The following C1orf167 variants were observed in gnomAD, a reference collection of about 807,000 sequenced individuals.
C1orf167 encodes the protein chromosome 1 open reading frame 167.
A neutral mutation model predicts 176.5 loss-of-function variants in C1orf167; 153 were observed. The observed-to-expected ratio is 0.87, with a 90% CI of 0.76 to 0.99. C1orf167 has a LOEUF of 0.99. Among genes scored for constraint, C1orf167 ranks in the 50% least tolerant of loss-of-function variants. The pLI, the probability that C1orf167 is intolerant of heterozygous loss-of-function variation, is 0.00. For missense variants in C1orf167, 1,490 were observed against 1,817.7 expected, an observed-to-expected ratio of 0.82 and a Z score of 3.28; for synonymous variants, 594 against 752.7, an observed-to-expected ratio of 0.79 and a Z score of 3.45.
intron 12 of C1orf167, chr1:11,779,564 A>G: frequency 3.3e-6 from 1 of 305,730 alleles, no homozygotes; most frequent in Admixed American, 4.0e-5. Context: ...GTGGTTGAGC[A>G]CAGGACTTGG....
rs999736284 is a variant in C1orf167, at chr1:11,762,760, C to T, written c.-71+455C>T. On this transcript the variant is annotated intron_variant, in intron 1 of 20. Transcript: ENST00000688073. Reference sequence around the variant, plus strand: ...CATTTATTCAATGTGCATTTACAAGCCCCTGCTGGGGGTCAGGCATTGTTC... The same window carrying T: ...CATTTATTCAATGTGCATTTACAAGTCCCTGCTGGGGGTCAGGCATTGTTC... 1.4e-4 allele frequency among the ~76,000 whole-genome samples: 21 copies of T among 152,342 alleles called. 1 individual carries two copies. Among genetic ancestry groups the T allele is most frequent in the African/African-American group, 4.6e-4 (19 of 41,582 alleles).
chr1:11,766,601 CCGG>C lies in C1orf167; in HGVS notation c.823_825del (p.Gly275del). 7.8e-7 allele frequency: 1 copy of C among 1,274,832 alleles called. No homozygotes were observed. The highest frequency in any genetic ancestry group is 1.0e-6 in the Non-Finnish European group (1 of 981,114). 79.0% of individuals were successfully genotyped at this position (1,274,832 alleles called of 1,614,324 possible). A position where few individuals can be genotyped will look rare whatever the true frequency, so the allele number is the denominator to read the frequency against. Reference sequence around the variant, plus strand: ...GGTGCTGTGCAGCAGGACCTCTGGACCGGCGGCGGCCAGCCATTCTCCGCCCAC... The same window carrying C: ...GGTGCTGTGCAGCAGGACCTCTGGACCGGCGGCCAGCCATTCTCCGCCCAC... On this transcript the variant is annotated inframe_deletion, in exon 3 of 21. Transcript: ENST00000688073. The surrounding 1 kb of genome is among the most constrained non-coding windows in gnomAD (Gnocchi z 4.5).
At position 11,785,080 on chromosome 1, in the gene C1orf167, TG is replaced by T. The variant is rs149530892; in HGVS notation, c.3426-61del. ...CGGAAGGCCCCCTCCCGCAGGGCAC[TG>T]GGGGGGCTCCCTGCAGAGAGTCCTG... is the stretch of plus-strand genomic sequence containing the variant. On this transcript the variant is annotated intron_variant, in intron 15 of 20. Coordinates refer to ENST00000688073, the MANE Select transcript of C1orf167 (RefSeq NM_001010881.2). The T allele has an allele frequency of 6.2e-3, 7,382 of 1,185,266 alleles. 303 individuals are homozygous for T. The African/African-American group carries it at 0.097, about 16-fold the overall frequency. 73.4% of individuals were successfully genotyped at this position (1,185,266 alleles called of 1,614,324 possible).
intron 17 of C1orf167, 188 bp from the exon 18 acceptor site, chr1:11,787,683 CCT>C (rs35562212): frequency 0.035 from 33,310 of 948,358 alleles, 641 homozygotes; most frequent in Middle Eastern, 0.044. Context: ...CTGCCCCGCC[CCT>C]GTGATTTCTC....
In C1orf167 at chr1:11,785,383, G is replaced by A. The variant is rs2100418833; in HGVS notation, c.3567+94G>A. The stretch of plus-strand genomic sequence containing the variant: ...GGACGCCCCAGCCCCTTGGAAACAG[G>A]TGAAGGGAGCCTAGGCAGGGCGGGA... On this transcript the variant is annotated intron_variant, in intron 16 of 20. Coordinates refer to ENST00000688073, the MANE Select transcript of C1orf167 (RefSeq NM_001010881.2). The A allele has an allele frequency of 2.6e-6, 3 of 1,161,362 alleles. No homozygotes were observed. The South Asian group carries it at 4.7e-5, about 18-fold the overall frequency. The allele number at this position is 1,161,362 out of a possible 1,614,324, so 71.9% of individuals were successfully genotyped here.
At chr1:11,780,260 T>A (rs1311232148) in intron 13 of C1orf167, among the ~76,000 whole-genome samples, 1 of 152,174 alleles carries the variant, frequency 6.6e-6, no homozygotes, top group Non-Finnish European at 1.5e-5. Context: ...ATCAGAGAGG[T>A]CCGCTGAGCT....
intron 6 of C1orf167, among the ~76,000 whole-genome samples, chr1:11,771,219 A>G (rs1233675101): frequency 3.3e-5 from 5 of 150,634 alleles, no homozygotes; most frequent in Admixed American, 2.7e-4. Flanking sequence ...ATGCCTGGCC[A>G]TGTTCTTATT....
intron 6 of C1orf167, among the ~76,000 whole-genome samples, chr1:11,770,524 AC>A (rs1223922294): frequency 6.7e-6 from 1 of 149,592 alleles, no homozygotes; most frequent in Non-Finnish European, 1.5e-5. Context: ...GCTCACTGCA[AC>A]CTCCGCCTCC....
chr1:11,781,559 C>T (rs1028453663), intron 13 of C1orf167, among the ~76,000 whole-genome samples: 13 of 152,134 alleles, frequency 8.5e-5, no homozygotes, highest in African/African-American at 2.2e-4. Context: ...AATCATTCCC[C>T]GGCAGGAACA....
In C1orf167 at chr1:11,769,203, C is replaced by T. The variant is rs578071820; in HGVS notation, c.1697+76C>T. On this transcript the variant is annotated intron_variant, in intron 6 of 20. Transcript: ENST00000688073. The stretch of plus-strand genomic sequence containing the variant: ...GCCTTGCCCCCACTACTTCCTCATC[C>T]CCACAAAAGAATGGGAATGAAATAA... 9.5e-6 allele frequency: 9 copies of T among 945,260 alleles called. No individual in the cohort carries two copies. In the South Asian group the frequency reaches 3.9e-4, roughly 41 times the overall value. The allele number at this position is 945,260 out of a possible 1,614,324, so 58.6% of individuals were successfully genotyped here. A position where few individuals can be genotyped will look rare whatever the true frequency, so the allele number is the denominator to read the frequency against.
In C1orf167 at chr1:11,778,989, C is replaced by T. The variant is rs985327390; in HGVS notation, c.2560C>T (p.Arg854Trp). 2.9e-5 allele frequency: 38 copies of T among 1,303,312 alleles called. No homozygotes were observed. Among genetic ancestry groups the T allele is most frequent in the Middle Eastern group, 4.3e-4 (2 of 4,666 alleles). The allele number at this position is 1,303,312 out of a possible 1,614,324, so 80.7% of individuals were successfully genotyped here. The stretch of plus-strand genomic sequence containing the variant: ...GAGCCTTCTGTGGGCAGCTGGGCAG[C>T]GGCAGCAGGGGCAGTGCCTTCTGCT... Reference protein sequence around the residue: ...QGSLLWAAGQRQQGQCLLLWQ... With the variant: ...QGSLLWAAGQWQQGQCLLLWQ... Residue 854 changes from arginine to tryptophan, a missense_variant, in exon 12 of 21, where the codon CGG becomes TGG. By Grantham distance (101) the Arg-to-Trp change is moderately radical (BLOSUM62 -3). Transcript: ENST00000688073.
In C1orf167 at chr1:11,771,643, C is replaced by T. The variant is rs1013477399; in HGVS notation, c.1810+7C>T. 55 of 1,288,548 alleles carry T rather than the reference C, an allele frequency of 4.3e-5. No homozygotes were observed. Among genetic ancestry groups the T allele is most frequent in the Middle Eastern group, 2.1e-4 (1 of 4,682 alleles). 79.8% of individuals were successfully genotyped at this position (1,288,548 alleles called of 1,614,324 possible). ...CAGGCCCTGCAACTGGCTGGTGAGA[C>T]GTGGGGTGCTGGGAAAGCGGGGAGA... On this transcript the variant is annotated splice_region_variant and intron_variant, in intron 7 of 20. Transcript: ENST00000688073.
At chr1:11,774,437 C>A (rs1643218130) in intron 8 of C1orf167, among the ~76,000 whole-genome samples, 2 of 152,222 alleles carry the variant, frequency 1.3e-5, no homozygotes, top group Admixed American at 6.5e-5. Context: ...CTGCTAGTTT[C>A]CCACTGTCTG....
At chr1:11,782,686 C>T (rs906789876) in intron 14 of C1orf167, among the ~76,000 whole-genome samples, 1 of 151,972 alleles carries the variant, frequency 6.6e-6, no homozygotes, top group Non-Finnish European at 1.5e-5. Flanking sequence ...TTTGGGAGGC[C>T]GAGGAAGGTG....
Position 11,778,965 on chromosome 1 carries a change from A to G in C1orf167, c.2536A>G (p.Ser846Gly), listed in dbSNP as rs1402409078. The part of the protein sequence containing the change: ...APTLPDTLQG[S>G]LLWAAGQRQQ... ...CACCCTCCCGGACACTCTCCAGGGG[A>G]GCCTTCTGTGGGCAGCTGGGCAGCG... The change falls in exon 12 of 21, where the codon AGC (serine) becomes GGC (glycine). Residue 846 changes from serine (S) to glycine (G), a missense_variant. Coordinates refer to ENST00000688073, the MANE Select transcript of C1orf167 (RefSeq NM_001010881.2). 1 of 1,303,700 alleles carries G rather than the reference A, an allele frequency of 7.7e-7. No individual in the cohort carries two copies. Among genetic ancestry groups the G allele is most frequent in the Non-Finnish European group, 1.0e-6 (1 of 988,648 alleles). 80.8% of individuals were successfully genotyped at this position (1,303,700 alleles called of 1,614,324 possible).
rs1252639379 is a variant in C1orf167 at position 11,788,409 on chromosome 1, C to T, written c.4078+31C>T. ...TGGGTGCACCCCTCTCCACACTGAC[C>T]ATCTCCCATTTCACCTCATACTTAA... On this transcript the variant is annotated intron_variant, in intron 19 of 20. Coordinates refer to ENST00000688073, the MANE Select transcript of C1orf167 (RefSeq NM_001010881.2). 8.6e-6 allele frequency: 11 copies of T among 1,272,394 alleles called. No individual in the cohort carries two copies. The East Asian group carries it at 5.2e-4, about 60-fold the overall frequency. The allele number at this position is 1,272,394 out of a possible 1,614,324, so 78.8% of individuals were successfully genotyped here. A position where few individuals can be genotyped will look rare whatever the true frequency, so the allele number is the denominator to read the frequency against.
In C1orf167 at chr1:11,767,224, A is replaced by G. The variant is rs752622361; in HGVS notation, c.1303A>G (p.Lys435Glu). 1.9e-4 allele frequency: 250 copies of G among 1,289,672 alleles called. No individual in the cohort carries two copies. The highest frequency in any genetic ancestry group is 2.5e-4 in the Non-Finnish European group (244 of 988,854). The allele number at this position is 1,289,672 out of a possible 1,614,324, so 79.9% of individuals were successfully genotyped here. ...TVPASSASKNKAQNITAPESE... is the reference protein window; with the variant it reads ...TVPASSASKNEAQNITAPESE... ...TTATGTACTCTTGCTTTCCCAGAAC[A>G]AGGCACAAAACATCACAGCCCCAGA... Residue 435 changes from lysine to glutamate, a missense_variant, in exon 4 of 21, where the codon AAG becomes GAG. Transcript: ENST00000688073.
At chr1:11,787,717 AGAGGCTG>A in intron 17 of C1orf167, 149 bp from the exon 18 acceptor site, 2 of 1,088,904 alleles carry the variant, frequency 1.8e-6, no homozygotes, top group South Asian at 3.4e-5. Context: ...GGCAGCCGGG[AGAGGCTG>A]GAGGCCTGGG....
rs774290705 is a variant in C1orf167, at chr1:11,789,443, G to A, written c.4347G>A (p.Leu1449=). The A allele has an allele frequency of 2.0e-5, 26 of 1,303,648 alleles. No homozygotes were observed. The South Asian group carries it at 3.2e-4, about 16-fold the overall frequency. The allele number at this position is 1,303,648 out of a possible 1,614,324, so 80.8% of individuals were successfully genotyped here. The change falls in exon 21 of 21, where the codon CTG becomes CTA. Residue 1449 remains leucine (L), a synonymous_variant. Coordinates refer to ENST00000688073, the MANE Select transcript of C1orf167 (RefSeq NM_001010881.2). ...LGAEHGAQLQ[L] Reference sequence around the variant, plus strand: ...CAGAGCATGGGGCCCAGCTGCAGCTGTGACTTGTTCTCATAGAATAAAAAA... The same window carrying A: ...CAGAGCATGGGGCCCAGCTGCAGCTATGACTTGTTCTCATAGAATAAAAAA...
Sources: allele counts gnomAD v4.1 joint callset (sites outside exome capture counted in the v4.1 genomes callset), GRCh38; gene constraint gnomAD v4.1.1; non-coding constraint Gnocchi (gnomAD v3.1); transcripts MANE v1.5; gene names NCBI Gene and HGNC (gene_info 2026-07-23, HGNC 2026-07-21).